The following KCNH5 variants were observed in gnomAD, a reference collection of about 807,000 sequenced individuals.
KCNH5 encodes potassium voltage-gated channel subfamily H member 5.
In KCNH5, 46 loss-of-function variants were observed where a neutral mutation model predicts 96.1. The ratio of observed to expected loss-of-function variants is 0.48; its 90% CI spans 0.38 to 0.61. The LOEUF (loss-of-function observed/expected upper bound fraction) is 0.61. Ranked by LOEUF, KCNH5 falls within the 20% of genes least tolerant of loss-of-function variation. The pLI is 0.00. For synonymous variants in KCNH5, 439 were observed against 449.8 expected (o/e 0.98, Z 0.30); for missense variants, 907 against 1,225.8 (o/e 0.74, Z 3.88).
At chr14:62,871,201 A>C (rs937238278) in intron 7 of KCNH5, among the ~76,000 whole-genome samples, 2 of 152,184 alleles carry the variant, frequency 1.3e-5, no homozygotes, top group African/African-American at 4.8e-5. Context: ...GCTAAAATAC[A>C]ATGGTATAAA....
chr14:62,908,798 T>TTTTTTTTTTTTTTTTTG (rs1889084363), intron 7 of KCNH5, among the ~76,000 whole-genome samples: 1 of 130,710 alleles, frequency 7.7e-6, no homozygotes, highest in Non-Finnish European at 1.6e-5. Context: ...TTTTTTTTTT[T>TTTTTTTTTTTTTTTTTG]TTTTTTTTTT....
At chr14:62,757,909 G>C (rs1364192654) in intron 10 of KCNH5, among the ~76,000 whole-genome samples, 1 of 152,134 alleles carries the variant, frequency 6.6e-6, no homozygotes, top group Non-Finnish European at 1.5e-5. Flanking sequence ...ACTTCGGGAG[G>C]CTACGGTGGG....
In KCNH5 at chr14:63,012,971, G is replaced by A. The variant is rs114548720; in HGVS notation, c.197+3860C>T. Among the ~76,000 whole-genome samples the A allele has an allele frequency of 2.6e-3, 381 of 147,310 alleles. 4 individuals carry two copies. Among genetic ancestry groups the A allele is most frequent in the African/African-American group, 9.2e-3 (359 of 38,890 alleles). The stretch of plus-strand genomic sequence containing the variant: ...AACCATAAGAGGAACAAGGGGGATG[G>A]GATGAAAGGGAAAAGAAATAAAAGG... On this transcript the variant is annotated intron_variant, in intron 2 of 10. Transcript: ENST00000322893.
intron 6 of KCNH5, among the ~76,000 whole-genome samples, chr14:62,965,270 G>A (rs1415275177): frequency 4.6e-5 from 7 of 152,228 alleles, no homozygotes; most frequent in South Asian, 2.1e-4. Context: ...GGCCTAGTGG[G>A]AGGTGTTTGA....
chr14:62,857,427 G>C (rs753074760), intron 7 of KCNH5, among the ~76,000 whole-genome samples: 23 of 152,124 alleles, frequency 1.5e-4, no homozygotes, highest in Non-Finnish European at 2.8e-4. Flanking sequence ...GTTCTTTAGA[G>C]GGACAGAACT....
At chr14:62,849,322 G>GA in intron 8 of KCNH5, among the ~76,000 whole-genome samples, 1 of 152,208 alleles carries the variant, frequency 6.6e-6, no homozygotes, top group East Asian at 1.9e-4. Flanking sequence ...ATTCTAGCAG[G>GA]AAAAATGGCA....
chr14:62,772,724 A>AT (rs1272589779), intron 10 of KCNH5, among the ~76,000 whole-genome samples: 2 of 151,882 alleles, frequency 1.3e-5, no homozygotes, highest in African/African-American at 4.8e-5. Flanking sequence ...GTACAGCAGT[A>AT]TTGACATGTT....
At chr14:62,765,032 A>G (rs1885830411) in intron 10 of KCNH5, among the ~76,000 whole-genome samples, 1 of 152,226 alleles carries the variant, frequency 6.6e-6, no homozygotes, top group African/African-American at 2.4e-5. Flanking sequence ...TCTAAAATTT[A>G]TATGGAACCA....
At chr14:62,715,873 G>A (rs1269796760) in intron 10 of KCNH5, among the ~76,000 whole-genome samples, 4 of 152,038 alleles carry the variant, frequency 2.6e-5, no homozygotes, top group Admixed American at 6.6e-5. Context: ...GGAGGGATAG[G>A]GAAGGAATAT....
At chr14:62,868,728 T>C (rs1888188673) in intron 7 of KCNH5, among the ~76,000 whole-genome samples, 1 of 152,084 alleles carries the variant, frequency 6.6e-6, no homozygotes, top group South Asian at 2.1e-4. Context: ...GATGTTCCCC[T>C]CCCTGTGTCC....
chr14:62,978,008 G>C (rs1039332530), intron 6 of KCNH5, among the ~76,000 whole-genome samples: 2 of 152,186 alleles, frequency 1.3e-5, no homozygotes, highest in Non-Finnish European at 2.9e-5. Flanking sequence ...ACCATACTCA[G>C]ACACTGACGG....
At chr14:63,035,661 G>A (rs1409896781) in intron 1 of KCNH5, among the ~76,000 whole-genome samples, 1 of 152,164 alleles carries the variant, frequency 6.6e-6, no homozygotes, top group Admixed American at 6.5e-5. Context: ...ACAGAGGTGT[G>A]TTGTTTGTTT....
At chr14:62,759,037 A>T (rs1329931832) in intron 10 of KCNH5, among the ~76,000 whole-genome samples, 1 of 151,656 alleles carries the variant, frequency 6.6e-6, no homozygotes, top group Non-Finnish European at 1.5e-5. Context: ...ATGATCTCAA[A>T]TTTTTAGTTC....
chr14:62,968,606 T>A (rs905007635), intron 6 of KCNH5, among the ~76,000 whole-genome samples: 1 of 152,192 alleles, frequency 6.6e-6, no homozygotes, highest in African/African-American at 2.4e-5. Context: ...AAGAAAGAGT[T>A]TAGAGCACAG....
At chr14:62,862,503 TGG>T in intron 7 of KCNH5, among the ~76,000 whole-genome samples, 2 of 152,342 alleles carry the variant, frequency 1.3e-5, no homozygotes, top group African/African-American at 4.8e-5. Flanking sequence ...AATCCCTTCG[TGG>T]TAAGACTTTA....
At chr14:62,864,825 T>A (rs1314382706) in intron 7 of KCNH5, among the ~76,000 whole-genome samples, 1 of 152,174 alleles carries the variant, frequency 6.6e-6, no homozygotes, top group African/African-American at 2.4e-5. Flanking sequence ...CCTTTTTTGT[T>A]CATTAAAAAT....
At chr14:62,933,487 A>ATGTG (rs891677105) in intron 7 of KCNH5, among the ~76,000 whole-genome samples, 3 of 151,206 alleles carry the variant, frequency 2.0e-5, no homozygotes, top group Non-Finnish European at 4.4e-5. Flanking sequence ...GTGTGTGTTT[A>ATGTG]TGTGTGTGTG....
intron 10 of KCNH5, among the ~76,000 whole-genome samples, chr14:62,749,927 T>C (rs906493883): frequency 1.3e-5 from 2 of 152,224 alleles, no homozygotes; most frequent in Non-Finnish European, 2.9e-5. Context: ...TATTGTTCTG[T>C]AAGCGCTTAG....
intron 5 of KCNH5, 88 bp downstream of exon 5, chr14:62,986,984 A>T (rs1594660890): frequency 2.4e-6 from 2 of 833,888 alleles, no homozygotes; most frequent in East Asian, 4.9e-5. Context: ...ATAAGATCAT[A>T]GCCAGAAATA....
Sources: gnomAD v4.1 joint callset for allele counts (sites outside exome capture counted in the v4.1 genomes callset) on GRCh38, gnomAD v4.1.1 for gene constraint, MANE v1.5 for transcripts, NCBI Gene and HGNC (gene_info 2026-07-23, HGNC 2026-07-21) for gene names.